LRCH1: variants seen among roughly 807,000 people sequenced by gnomAD.
LRCH1 encodes leucine-rich repeat and calponin homology domain-containing protein 1.
Under a neutral mutation model 94.9 loss-of-function variants are expected in LRCH1, and 23 were observed. The ratio of observed to expected loss-of-function variants is 0.24; its 90% CI spans 0.17 to 0.34. The LOEUF is 0.34. Ranked by LOEUF, LRCH1 falls within the 10% of genes least tolerant of loss-of-function variation. LRCH1 has a pLI of 1.00. For missense variants in LRCH1, 790 were observed against 945.9 expected, an observed-to-expected ratio of 0.84 and a Z score of 2.16; for synonymous variants, 364 against 354.9, an observed-to-expected ratio of 1.03 and a Z score of -0.29.
At chr13:46,678,466 G>A (rs2051705967) in intron 3 of LRCH1, among the ~76,000 whole-genome samples, 1 of 152,122 alleles carries the variant, frequency 6.6e-6, no homozygotes, top group Non-Finnish European at 1.5e-5. Context: ...ATCTGCTTGG[G>A]CGTTTTCCCC....
At chr13:46,581,948 T>C (rs2050370915) in intron 1 of LRCH1, among the ~76,000 whole-genome samples, 2 of 152,242 alleles carry the variant, frequency 1.3e-5, no homozygotes, top group Admixed American at 1.3e-4. Context: ...TCAGGAGTTT[T>C]AGGCCACCCT....
rs148120107 is a variant in LRCH1, at chr13:46,686,139, T to C, written c.822+98T>C. 7.4e-5 allele frequency: 89 copies of C among 1,209,636 alleles called. No individual in the cohort carries two copies. In the African/African-American group the frequency reaches 1.2e-3, roughly 17 times the overall value. The allele number at this position is 1,209,636 out of a possible 1,614,324, so 74.9% of individuals were successfully genotyped here. A position where few individuals can be genotyped will look rare whatever the true frequency, so the allele number is the denominator to read the frequency against. On this transcript the variant is annotated intron_variant, in intron 5 of 19. Coordinates refer to ENST00000389797, the MANE Select transcript of LRCH1 (RefSeq NM_001164211.2). ...TCACCCTCTGAAAGTTTGCTGAAAA[T>C]CACTAATCACTGGCAAGCGGCAGAT...
At chr13:46,667,309 G>A (rs942758110) in intron 2 of LRCH1, among the ~76,000 whole-genome samples, 83 of 152,228 alleles carry the variant, frequency 5.5e-4, no homozygotes, top group African/African-American at 1.9e-3. Context: ...CTTTTTCTGA[G>A]CTCATCAGGT....
At chr13:46,715,697 T>C in intron 16 of LRCH1, 33 bp downstream of exon 16, 1 of 1,329,620 alleles carries the variant, frequency 7.5e-7, no homozygotes, top group Non-Finnish European at 1.0e-6. Context: ...TCCAATGTTC[T>C]CATTAATAAG....
chr13:46,742,331 T>G lies in LRCH1; in HGVS notation c.*483T>G. The G allele has an allele frequency of 3.0e-6, 3 of 1,002,682 alleles. No individual in the cohort carries two copies. Among genetic ancestry groups the G allele is most frequent in the Non-Finnish European group, 3.6e-6 (3 of 839,846 alleles). The allele number at this position is 1,002,682 out of a possible 1,614,324, so 62.1% of individuals were successfully genotyped here. A position where few individuals can be genotyped will look rare whatever the true frequency, so the allele number is the denominator to read the frequency against. The stretch of plus-strand genomic sequence containing the variant: ...GCAGGGAGGACAGAAAACTAACATT[T>G]TGGCCCAACTTGATCTATACAAAAC... On this transcript the variant is annotated 3_prime_UTR_variant, in exon 20 of 20. Coordinates refer to ENST00000389797, the MANE Select transcript of LRCH1 (RefSeq NM_001164211.2).
chr13:46,633,869 C>A (rs1476988095), intron 1 of LRCH1, among the ~76,000 whole-genome samples: 1 of 149,654 alleles, frequency 6.7e-6, no homozygotes, highest in African/African-American at 2.5e-5. Flanking sequence ...AAACCTGTTT[C>A]TTTTCCTGCA....
intron 7 of LRCH1, 124 bp downstream of exon 7, chr13:46,689,320 G>T: frequency 4.5e-6 from 3 of 659,768 alleles, no homozygotes; most frequent in South Asian, 2.4e-5. Flanking sequence ...TCGTAAAAGT[G>T]ATTTGTATAT....
intron 3 of LRCH1, among the ~76,000 whole-genome samples, chr13:46,673,823 G>A (rs1250513476): frequency 7.1e-6 from 1 of 140,522 alleles, no homozygotes; most frequent in East Asian, 2.1e-4. Flanking sequence ...GGCTGTCGCC[G>A]AGGCTAGAGT....
At chr13:46,607,301 G>T (rs903032295) in intron 1 of LRCH1, among the ~76,000 whole-genome samples, 1 of 152,124 alleles carries the variant, frequency 6.6e-6, no homozygotes, top group African/African-American at 2.4e-5. Flanking sequence ...ATTTTGTGGT[G>T]AACCAAAAAA....
chr13:46,670,398 G>C (rs2051581975), intron 3 of LRCH1, among the ~76,000 whole-genome samples: 1 of 152,200 alleles, frequency 6.6e-6, no homozygotes, highest in Admixed American at 6.5e-5. Context: ...TTTCTGCTCA[G>C]CTTTTCCTCT....
intron 1 of LRCH1, among the ~76,000 whole-genome samples, chr13:46,578,713 A>G (rs1594257905): frequency 1.3e-5 from 2 of 152,200 alleles, no homozygotes; most frequent in Non-Finnish European, 2.9e-5. Flanking sequence ...TGGTGCAGAA[A>G]CAACTGTTGC....
At position 46,637,392 on chromosome 13, in the gene LRCH1, G is replaced by A. The variant is rs143189034; in HGVS notation, c.308-12809G>A. Among the ~76,000 whole-genome samples, 12 of 152,316 alleles carry A rather than the reference G, an allele frequency of 7.9e-5. No individual in the cohort carries two copies. In the East Asian group the frequency reaches 2.3e-3, roughly 29 times the overall value. On this transcript the variant is annotated intron_variant, in intron 1 of 19. Transcript: ENST00000389797. ...TCTGCTCCAAGCCCTCCAGTGGCCA[G>A]GAAATGGCAGACTTTTACAGTGGCC...
chr13:46,674,697 C>G (rs2051647380), intron 3 of LRCH1, among the ~76,000 whole-genome samples: 1 of 152,170 alleles, frequency 6.6e-6, no homozygotes, highest in African/African-American at 2.4e-5. Context: ...AGGCACTCTG[C>G]TAGGTATACA....
intron 19 of LRCH1, among the ~76,000 whole-genome samples, chr13:46,734,233 A>G (rs1873258002): frequency 6.6e-6 from 1 of 152,218 alleles, no homozygotes; most frequent in African/African-American, 2.4e-5. Flanking sequence ...AAGATTTTGA[A>G]GTAAGTGTGA....
At chr13:46,694,565 C>T (rs1202233580) in intron 8 of LRCH1, among the ~76,000 whole-genome samples, 1 of 152,172 alleles carries the variant, frequency 6.6e-6, no homozygotes, top group Non-Finnish European at 1.5e-5. Context: ...ATATGAAATA[C>T]ATAGTAACAT....
intron 1 of LRCH1, among the ~76,000 whole-genome samples, chr13:46,616,427 G>T (rs907496236): frequency 1.3e-5 from 2 of 152,136 alleles, no homozygotes; most frequent in Non-Finnish European, 2.9e-5. Context: ...CCCCAACCCA[G>T]TCTTTGGTCA....
intron 1 of LRCH1, among the ~76,000 whole-genome samples, chr13:46,613,254 G>T (rs751580750): frequency 5.9e-5 from 9 of 152,022 alleles, no homozygotes; most frequent in Non-Finnish European, 1.3e-4. Flanking sequence ...GCCGAGCGTG[G>T]TGGCACGTGC....
chr13:46,689,111 A>G, intron 6 of LRCH1, 22 bp from the exon 7 acceptor site: 3 of 1,579,336 alleles, frequency 1.9e-6, no homozygotes, highest in Non-Finnish European at 2.6e-6. Flanking sequence ...AATGAATTCA[A>G]TATTGATGGC....
chr13:46,567,049 G>C (rs1029475971), intron 1 of LRCH1, among the ~76,000 whole-genome samples: 2 of 152,150 alleles, frequency 1.3e-5, no homozygotes, highest in African/African-American at 4.8e-5. Flanking sequence ...AACTTTTCTT[G>C]TTAGACTTTG....
Sources: gnomAD v4.1 joint callset for allele counts (sites outside exome capture counted in the v4.1 genomes callset) on GRCh38, gnomAD v4.1.1 for gene constraint, MANE v1.5 for transcripts, NCBI Gene and HGNC (gene_info 2026-07-23, HGNC 2026-07-21) for gene names.